Variants in ZNF518B observed in about 807,000 individuals in gnomAD.
The protein encoded by ZNF518B is zinc finger protein 518B.
A neutral mutation model predicts 56.3 loss-of-function variants in ZNF518B; 23 were observed. The ratio of observed to expected loss-of-function variants is 0.41; its 90% CI spans 0.29 to 0.58. ZNF518B has a LOEUF of 0.58. Ranked by LOEUF, ZNF518B falls within the 20% of genes least tolerant of loss-of-function variation. The pLI is 0.32. For synonymous variants in ZNF518B, 529 were observed against 465.9 expected (o/e 1.14, Z -1.74); for missense variants, 1,460 against 1,272.1 (o/e 1.15, Z -2.25).
chr4:10,446,310 G>T lies in ZNF518B; in HGVS notation c.19C>A (p.Gln7Lys). Residue 7 changes from glutamine (Q) to lysine (K), a missense_variant, in exon 3 of 3, where the codon CAG becomes AAG. By Grantham distance (53) the Gln-to-Lys change is moderately conservative. Coordinates refer to ENST00000326756, the MANE Select transcript of ZNF518B (RefSeq NM_053042.3). The stretch of plus-strand genomic sequence containing the variant: ...CCGTTCAAGTGTGTAGTGTATAGCT[G>T]CTGTCCAATATCCTTCATCTTATCT... Reference protein sequence around the residue: MKDIGQQLYTTHLNGGH... With the variant: MKDIGQKLYTTHLNGGH... 1 of 1,612,896 alleles carries T rather than the reference G, an allele frequency of 6.2e-7. No individual in the cohort carries two copies. Among genetic ancestry groups the T allele is most frequent in the Non-Finnish European group, 8.5e-7 (1 of 1,179,082 alleles).
Position 10,444,224 on chromosome 4 carries a change from G to A in ZNF518B, c.2105C>T (p.Ala702Val), listed in dbSNP as rs760906258. ...GATTTCTTGAATACCTTCAGAGGTA[G>A]CTTTTGAAGTTCCCTTTGATGCCTG... ...VGQASKGTSK[A>V]TSEGIQEINV... The change falls in exon 3 of 3, where the codon GCT (alanine) becomes GTT (valine). Residue 702 changes from alanine (A) to valine (V), a missense_variant. By Grantham distance (64) the Ala-to-Val change is moderately conservative (BLOSUM62 0). Coordinates refer to ENST00000326756, the MANE Select transcript of ZNF518B (RefSeq NM_053042.3). 70 of 1,614,126 alleles carry A rather than the reference G, an allele frequency of 4.3e-5. No homozygotes were observed. In the South Asian group the frequency reaches 7.4e-4, roughly 17 times the overall value.
At position 10,450,286 on chromosome 4, in the gene ZNF518B, T is replaced by G. The variant is rs73090004; in HGVS notation, c.-211-3747A>C. 9.8e-4 allele frequency among the ~76,000 whole-genome samples: 149 copies of G among 152,286 alleles called. 3 individuals carry two copies. The highest frequency in any genetic ancestry group is 5.9e-3 in the Admixed American group (90 of 15,310). On this transcript the variant is annotated intron_variant, in intron 2 of 2. Coordinates refer to ENST00000326756, the MANE Select transcript of ZNF518B (RefSeq NM_053042.3). ...ATGAATTATGTCACCTGTTTGAAAG[T>G]ATCTTCTTGGCTTCTGAACTATGCT...
At chr4:10,451,194 A>C (rs1016147002) in intron 2 of ZNF518B, 3 of 152,228 alleles carry the variant, frequency 2.0e-5, no homozygotes, top group African/African-American at 7.2e-5. Flanking sequence ...AAAACAAACA[A>C]AGTATCGAGT....
chr4:10,447,809 C>T lies in ZNF518B; in HGVS notation c.-211-1270G>A, dbSNP rs952358945. On this transcript the variant is annotated intron_variant, in intron 2 of 2. Coordinates refer to ENST00000326756, the MANE Select transcript of ZNF518B (RefSeq NM_053042.3). ...GGATTACAGGTTTGCACCACCATGC[C>T]CAGCTAATTTTGTATTTTTAGTAGA... Among the ~76,000 whole-genome samples, 4 of 152,080 alleles carry T rather than the reference C, an allele frequency of 2.6e-5. No homozygotes were observed. In the South Asian group the frequency reaches 8.3e-4, roughly 32 times the overall value.
At chr4:10,461,089 T>G (rs1008132210), upstream of ZNF518B, among the ~76,000 whole-genome samples, 2 of 152,260 alleles carry the variant, frequency 1.3e-5, no homozygotes, top group Non-Finnish European at 2.9e-5. Context: ...AGGTTAAGGA[T>G]GTAGAGCCCG....
In ZNF518B at chr4:10,445,063, T is replaced by C. The variant is rs1299593165; in HGVS notation, c.1266A>G (p.Gln422=). The C allele has an allele frequency of 2.5e-6, 4 of 1,614,120 alleles. No homozygotes were observed. The highest frequency in any genetic ancestry group is 3.4e-6 in the Non-Finnish European group (4 of 1,180,048). Residue 422 remains glutamine (Q), a synonymous_variant, in exon 3 of 3, where the codon CAA becomes CAG. Transcript: ENST00000326756. ...VGKLVGIDSF[Q]PSVQKQLKNV... is the part of the protein sequence containing the mutation. ...TTTTAAGCTGTTTCTGAACTGAAGG[T>C]TGAAAACTATCAATGCCTACGAGTT...
At chr4:10,446,645 T>C (rs1294981295) in intron 2 of ZNF518B, 106 bp from the exon 3 acceptor site, 1 of 244,876 alleles carries the variant, frequency 4.1e-6, no homozygotes, top group Non-Finnish European at 8.1e-6. Context: ...ATGGTAAATC[T>C]CAACGTATGA....
At chr4:10,452,847 AAAT>A (rs1715378616) in intron 2 of ZNF518B, 1 of 152,210 alleles carries the variant, frequency 6.6e-6, no homozygotes, top group Non-Finnish European at 1.5e-5. Flanking sequence ...TGATGACGAA[AAAT>A]ACTTCCAAAT....
rs1714769205 is a variant in ZNF518B, at chr4:10,443,323, T to C, written c.3006A>G (p.Gln1002=). ...LTYQNAEEAS[Q]IKRQMMLKMK... ...TTTTCAACATCATTTGCCTTTTAATTTGACTGGCTTCTTCCGCATTCTGGT... is the reference window on the plus strand; with the variant it reads ...TTTTCAACATCATTTGCCTTTTAATCTGACTGGCTTCTTCCGCATTCTGGT... Residue 1002 remains glutamine, a synonymous_variant, in exon 3 of 3, where the codon CAA becomes CAG. Coordinates refer to ENST00000326756, the MANE Select transcript of ZNF518B (RefSeq NM_053042.3). 1.2e-6 allele frequency: 2 copies of C among 1,614,084 alleles called. No homozygotes were observed. The highest frequency in any genetic ancestry group is 8.5e-7 in the Non-Finnish European group (1 of 1,180,026).
intron 2 of ZNF518B, among the ~76,000 whole-genome samples, chr4:10,447,543 G>C (rs1715115423): frequency 1.3e-5 from 2 of 152,114 alleles, no homozygotes; most frequent in Non-Finnish European, 2.9e-5. Context: ...CATGGCAGAG[G>C]AGAGGCTGGA....
Position 10,440,250 on chromosome 4 carries a change from GAATAT to G in ZNF518B, c.*2849_*2853del, listed in dbSNP as rs1194800132. 1 of 151,512 alleles carries G rather than the reference GAATAT, an allele frequency of 6.6e-6. No individual in the cohort carries two copies. The highest frequency in any genetic ancestry group is 2.4e-5 in the African/African-American group (1 of 41,186). 9.4% of individuals were successfully genotyped at this position (151,512 alleles called of 1,614,324 possible). A position where few individuals can be genotyped will look rare whatever the true frequency, so the allele number is the denominator to read the frequency against. On this transcript the variant is annotated 3_prime_UTR_variant, in exon 3 of 3. Coordinates refer to ENST00000326756, the MANE Select transcript of ZNF518B (RefSeq NM_053042.3). ...TGTTCTCGACTGGGGATACAAAATT[GAATAT>G]AATATAGTCTATCAGAGTATACTTT...
Position 10,443,974 on chromosome 4 carries a change from C to T in ZNF518B, c.2355G>A (p.Glu785=). Residue 785 remains glutamate, a synonymous_variant, in exon 3 of 3, where the codon GAG becomes GAA. Transcript: ENST00000326756. ...GAVLRVLNSS[E]NAHIIEATCE... ...ATGTAGCCTCTATGATGTGGGCATT[C>T]TCAGAGGAATTAAGAACCCTCAACA... 1 of 1,614,174 alleles carries T rather than the reference C, an allele frequency of 6.2e-7. No individual in the cohort carries two copies. Among genetic ancestry groups the T allele is most frequent in the East Asian group, 2.2e-5 (1 of 44,878 alleles).
At chr4:10,447,266 C>T (rs1168061779) in intron 2 of ZNF518B, among the ~76,000 whole-genome samples, 1 of 152,078 alleles carries the variant, frequency 6.6e-6, no homozygotes, top group Non-Finnish European at 1.5e-5. Context: ...AAAAGCAAGG[C>T]CAACAGGACA....
chr4:10,443,002 C>A lies in ZNF518B; in HGVS notation c.*102G>T. On this transcript the variant is annotated 3_prime_UTR_variant, in exon 3 of 3. Transcript: ENST00000326756. ...CTACAGTTCTGAAGAATTAGCAGTC[C>A]TCTCATTTCTACAGTCTGTATTTCT... is the stretch of plus-strand genomic sequence containing the variant. The A allele has an allele frequency of 9.7e-7, 1 of 1,029,986 alleles. No individual in the cohort carries two copies. The highest frequency in any genetic ancestry group is 1.4e-6 in the Non-Finnish European group (1 of 718,282). 63.8% of individuals were successfully genotyped at this position (1,029,986 alleles called of 1,614,324 possible). A position where few individuals can be genotyped will look rare whatever the true frequency, so the allele number is the denominator to read the frequency against.
intron 2 of ZNF518B, chr4:10,451,568 A>C (rs1246785364): frequency 1.3e-5 from 2 of 152,160 alleles, no homozygotes; most frequent in African/African-American, 4.8e-5. Flanking sequence ...TTTTTAATTT[A>C]AAAAAATACC....
chr4:10,450,942 T>C (rs972230375), intron 2 of ZNF518B: 1 of 152,200 alleles, frequency 6.6e-6, no homozygotes, highest in Non-Finnish European at 1.5e-5. Context: ...TTTCAAAAAA[T>C]TATTTAGCAA....
chr4:10,446,006 G>A lies in ZNF518B; in HGVS notation c.323C>T (p.Thr108Ile), dbSNP rs553699846. The A allele has an allele frequency of 1.9e-6, 3 of 1,614,136 alleles. No homozygotes were observed. The highest frequency in any genetic ancestry group is 2.2e-5 in the East Asian group (1 of 44,886). The change falls in exon 3 of 3, where the codon ACT becomes ATT. Residue 108 changes from threonine (T) to isoleucine (I), a missense_variant. By Grantham distance (89) the Thr-to-Ile change is moderately conservative. Transcript: ENST00000326756. ...GTTTTCAGTTTTATTTCCAACATGAGTCGCACTGGAATTATTGCTCACAAA... is the reference window on the plus strand; with the variant it reads ...GTTTTCAGTTTTATTTCCAACATGAATCGCACTGGAATTATTGCTCACAAA... ...FHFVSNNSSA[T>I]HVGNKTENFS...
rs764475893 is a variant in ZNF518B at position 10,444,811 on chromosome 4, T to G, written c.1518A>C (p.Pro506=). ...RSLGAASNPF[P]YKAAVCFAES... ...CAGCAAAACAAACAGCAGCTTTATATGGAAAAGGGTTTGATGCAGCTCCAA... is the reference window on the plus strand; with the variant it reads ...CAGCAAAACAAACAGCAGCTTTATAGGGAAAAGGGTTTGATGCAGCTCCAA... Residue 506 remains proline (P), a synonymous_variant, in exon 3 of 3, where the codon CCA becomes CCC. Transcript: ENST00000326756. 5 of 1,614,018 alleles carry G rather than the reference T, an allele frequency of 3.1e-6. No individual in the cohort carries two copies. The highest frequency in any genetic ancestry group is 2.2e-5 in the East Asian group (1 of 44,856).
rs372108089 is a variant in ZNF518B, at chr4:10,445,173, C to T, written c.1156G>A (p.Val386Met). ...TGTTCATTTGAACCCTTCTCTTTCACCATACGTTCAGAATTACCTCCATTA... is the reference window on the plus strand; with the variant it reads ...TGTTCATTTGAACCCTTCTCTTTCATCATACGTTCAGAATTACCTCCATTA... Reference protein sequence around the residue: ...RDNGGNSERMVKEKGSNEQEK... With the variant: ...RDNGGNSERMMKEKGSNEQEK... Residue 386 changes from valine to methionine, a missense_variant, in exon 3 of 3, where the codon GTG (valine) becomes ATG (methionine). Coordinates refer to ENST00000326756, the MANE Select transcript of ZNF518B (RefSeq NM_053042.3). 3.7e-6 allele frequency: 6 copies of T among 1,614,224 alleles called. No homozygotes were observed. The African/African-American group carries it at 5.3e-5, about 14-fold the overall frequency.
Sources: gnomAD v4.1 joint callset for allele counts (sites outside exome capture counted in the v4.1 genomes callset) on GRCh38, gnomAD v4.1.1 for gene constraint, MANE v1.5 for transcripts, NCBI Gene and HGNC (gene_info 2026-07-23, HGNC 2026-07-21) for gene names.